Variants in DLG2 observed in about 807,000 individuals in gnomAD.
DLG2 encodes the protein discs large MAGUK scaffold protein 2.
Under a neutral mutation model 132.5 loss-of-function variants are expected in DLG2, and 45 were observed. The ratio of observed to expected loss-of-function variants is 0.34; its 90% CI spans 0.27 to 0.44. The LOEUF is 0.44. Among genes scored for constraint, DLG2 ranks in the 20% least tolerant of loss-of-function variants. The probability of loss-of-function intolerance (pLI) is 1.00; values close to 1 mark genes in which losing one functional copy is unlikely to be tolerated. For synonymous variants in DLG2, 424 were observed against 419.6 expected (o/e 1.01, Z -0.13); for missense variants, 1,045 against 1,196.9 (o/e 0.87, Z 1.87).
chr11:84,870,587 T>C (rs1000620904), intron 6 of DLG2, among the ~76,000 whole-genome samples: 12 of 152,196 alleles, frequency 7.9e-5, no homozygotes, highest in African/African-American at 2.4e-4. Context: ...TAACTCGCAA[T>C]AGCTGTTGAC....
intron 8 of DLG2, among the ~76,000 whole-genome samples, chr11:84,205,752 C>A (rs370074323): frequency 5.9e-5 from 9 of 151,784 alleles, no homozygotes; most frequent in African/African-American, 1.9e-4. Flanking sequence ...CAAAAAAGAT[C>A]AAAAACCAAT....
At chr11:84,694,676 G>T (rs182750623) in intron 6 of DLG2, among the ~76,000 whole-genome samples, 1 of 151,564 alleles carries the variant, frequency 6.6e-6, no homozygotes, top group African/African-American at 2.4e-5. Context: ...ACCCTTGGAT[G>T]AAAGGAAAAA....
At chr11:85,194,814 G>C (rs577879414) in intron 4 of DLG2, among the ~76,000 whole-genome samples, 1 of 152,264 alleles carries the variant, frequency 6.6e-6, no homozygotes, top group Non-Finnish European at 1.5e-5. Flanking sequence ...TATTAATTCA[G>C]TTTATTTCCT....
At chr11:83,575,985 C>A (rs893882759) in intron 19 of DLG2, among the ~76,000 whole-genome samples, 3 of 151,844 alleles carry the variant, frequency 2.0e-5, no homozygotes, top group African/African-American at 7.3e-5. Flanking sequence ...TTAGAAGTGG[C>A]AGAAAAGAAC....
At chr11:84,824,564 A>G (rs974820339) in intron 6 of DLG2, among the ~76,000 whole-genome samples, 1 of 151,896 alleles carries the variant, frequency 6.6e-6, no homozygotes, top group South Asian at 2.1e-4. Flanking sequence ...CTACCAACTG[A>G]TAAGTCATCC....
At chr11:83,886,876 A>C (rs1285677775) in intron 15 of DLG2, among the ~76,000 whole-genome samples, 1 of 150,410 alleles carries the variant, frequency 6.6e-6, no homozygotes, top group Non-Finnish European at 1.5e-5. Context: ...TGAAGGCAGA[A>C]ATAAAGATGT....
chr11:84,170,441 C>G (rs1207877434), intron 8 of DLG2, among the ~76,000 whole-genome samples: 1 of 152,022 alleles, frequency 6.6e-6, no homozygotes, highest in East Asian at 1.9e-4. Context: ...CAGATAGAGA[C>G]AAGTGAATGG....
intron 6 of DLG2, among the ~76,000 whole-genome samples, chr11:84,918,470 T>C (rs1036676357): frequency 6.6e-6 from 1 of 152,250 alleles, no homozygotes; most frequent in East Asian, 1.9e-4. Context: ...ATATGGTCAA[T>C]GCAGAGAAAG....
chr11:83,886,930 C>G (rs1291812085), intron 15 of DLG2, among the ~76,000 whole-genome samples: 2 of 151,982 alleles, frequency 1.3e-5, no homozygotes, highest in African/African-American at 4.8e-5. Flanking sequence ...ACCAGAATCT[C>G]TGGGACACAT....
At chr11:83,626,560 G>A (rs995549154) in intron 19 of DLG2, among the ~76,000 whole-genome samples, 1 of 152,192 alleles carries the variant, frequency 6.6e-6, no homozygotes, top group Admixed American at 6.5e-5. Flanking sequence ...CATAGCCTTT[G>A]AGGCAAAAAC....
At chr11:84,921,401 G>T (rs1482912259) in intron 6 of DLG2, among the ~76,000 whole-genome samples, 2 of 152,128 alleles carry the variant, frequency 1.3e-5, no homozygotes, top group Non-Finnish European at 2.9e-5. Context: ...TCTCAGTACA[G>T]ATTAGCCAAA....
chr11:84,335,675 A>T (rs2098481519), intron 7 of DLG2, among the ~76,000 whole-genome samples: 1 of 152,234 alleles, frequency 6.6e-6, no homozygotes, highest in African/African-American at 2.4e-5. Context: ...TTTGCATCTC[A>T]GCTGCATCAT....
In DLG2 at chr11:84,540,360, AC is replaced by A. The variant is rs1295582948; in HGVS notation, c.358-5630del. On this transcript the variant is annotated intron_variant, in intron 6 of 27. Coordinates refer to ENST00000376104, the MANE Select transcript of DLG2 (RefSeq NM_001142699.3). ...AAATTTACAAGAAAAAAAAAAAAAA[AC>A]CCCATCAAAAAGTGGGCAAAGGATA... Among the ~76,000 whole-genome samples the A allele has an allele frequency of 5.5e-3, 822 of 150,062 alleles. 10 individuals carry two copies. The highest frequency in any genetic ancestry group is 0.02 in the African/African-American group (796 of 40,818).
At chr11:84,172,506 A>AT (rs2095847396) in intron 8 of DLG2, among the ~76,000 whole-genome samples, 1 of 148,268 alleles carries the variant, frequency 6.7e-6, no homozygotes, top group Non-Finnish European at 1.5e-5. Context: ...GTATACTATA[A>AT]TTTTTTCCAT....
chr11:83,765,330 T>A (rs2094099457), intron 18 of DLG2, among the ~76,000 whole-genome samples: 1 of 152,222 alleles, frequency 6.6e-6, no homozygotes, highest in African/African-American at 2.4e-5. Flanking sequence ...GAGGAATTAA[T>A]CAAAATACTG....
chr11:83,639,256 G>A (rs950584012), intron 18 of DLG2, among the ~76,000 whole-genome samples: 5 of 152,174 alleles, frequency 3.3e-5, no homozygotes, highest in African/African-American at 1.2e-4. Flanking sequence ...TCATCCAGGG[G>A]TCTCATGATT....
chr11:84,142,188 G>A (rs2094880796), intron 9 of DLG2, among the ~76,000 whole-genome samples: 1 of 152,020 alleles, frequency 6.6e-6, no homozygotes, highest in Admixed American at 6.6e-5. Context: ...TGTGGTCCCA[G>A]CTACTTGGGA....
At chr11:83,731,709 C>T (rs2091043454) in intron 18 of DLG2, among the ~76,000 whole-genome samples, 1 of 152,158 alleles carries the variant, frequency 6.6e-6, no homozygotes, top group Non-Finnish European at 1.5e-5. Flanking sequence ...TGAGAAATCA[C>T]CACACTGTCT....
intron 3 of DLG2, among the ~76,000 whole-genome samples, chr11:85,447,337 C>A (rs2092055434): frequency 6.6e-6 from 1 of 152,100 alleles, no homozygotes; most frequent in Non-Finnish European, 1.5e-5. Flanking sequence ...ACTCCCAGTA[C>A]TTCAGAATGT....
Sources: gnomAD v4.1 joint callset for allele counts (sites outside exome capture counted in the v4.1 genomes callset) on GRCh38, gnomAD v4.1.1 for gene constraint, MANE v1.5 for transcripts, NCBI Gene and HGNC (gene_info 2026-07-23, HGNC 2026-07-21) for gene names.